The following CPNE2 variants were observed in gnomAD, a reference collection of about 807,000 sequenced individuals.
The protein encoded by CPNE2 is copine-2.
A neutral mutation model predicts 69.7 loss-of-function variants in CPNE2; 42 were observed. That is an observed-to-expected ratio of 0.60 (90% CI 0.47 to 0.78). CPNE2 has a LOEUF of 0.78. Among genes scored for constraint, CPNE2 ranks in the 30% least tolerant of loss-of-function variants. The pLI, the probability that CPNE2 is intolerant of heterozygous loss-of-function variation, is 0.00. For missense variants in CPNE2, 587 were observed against 732.0 expected (o/e 0.80, Z 2.29); for synonymous variants, 294 against 289.8 (o/e 1.01, Z -0.15).
intron 1 of CPNE2, among the ~76,000 whole-genome samples, chr16:57,100,500 T>C (rs1486209210): frequency 6.6e-6 from 1 of 152,214 alleles, no homozygotes; most frequent in African/African-American, 2.4e-5. Flanking sequence ...TTCCATGTGT[T>C]GGATGAGAAA....
chr16:57,123,690 C>T, intron 10 of CPNE2: 2 of 573,680 alleles, frequency 3.5e-6, no homozygotes, highest in South Asian at 2.2e-5. Flanking sequence ...GGTCAGAGCA[C>T]AGCTGCACAG....
intron 8 of CPNE2, 66 bp from the exon 9 acceptor site, chr16:57,121,608 C>T: frequency 2.0e-6 from 3 of 1,490,914 alleles, no homozygotes; most frequent in South Asian, 2.3e-5. Context: ...GATTCTAGGG[C>T]CAAGGAGGAG....
chr16:57,114,426 C>T (rs1377794151), intron 3 of CPNE2, among the ~76,000 whole-genome samples: 1 of 151,172 alleles, frequency 6.6e-6, no homozygotes, highest in African/African-American at 2.4e-5. Context: ...AATGGAGAAG[C>T]TCCCATCAAA....
At chr16:57,099,261 C>T (rs35502368) in intron 1 of CPNE2, among the ~76,000 whole-genome samples, 2,891 of 152,272 alleles carry the variant, frequency 0.019, 90 homozygotes, top group East Asian at 0.16. Flanking sequence ...GAGACCCATC[C>T]GTGTTATTGC....
chr16:57,099,126 G>A (rs1321301732), intron 1 of CPNE2, among the ~76,000 whole-genome samples: 2 of 152,252 alleles, frequency 1.3e-5, no homozygotes, highest in South Asian at 2.1e-4. Flanking sequence ...ACCCGTCCAC[G>A]TGTCCTACTG....
At chr16:57,147,268 C>A (rs2069965382) in intron 15 of CPNE2, 2 of 327,778 alleles carry the variant, frequency 6.1e-6, no homozygotes, top group Non-Finnish European at 1.1e-5. Flanking sequence ...ATAGGTGCTT[C>A]CCGCAGACGG....
intron 1 of CPNE2, among the ~76,000 whole-genome samples, chr16:57,100,063 A>G (rs2069604017): frequency 6.6e-6 from 1 of 152,000 alleles, no homozygotes; most frequent in East Asian, 1.9e-4. Flanking sequence ...GTGAGCCACC[A>G]TGCCCTGCCT....
intron 12 of CPNE2, among the ~76,000 whole-genome samples, chr16:57,129,471 G>A (rs35364178): frequency 0.038 from 5,798 of 152,268 alleles, 193 homozygotes; most frequent in African/African-American, 0.09. Context: ...GATGAGGAAC[G>A]GGGTGGGTGC....
chr16:57,143,380 C>T (rs1054034912), intron 14 of CPNE2: 1 of 152,380 alleles, frequency 6.6e-6, no homozygotes, highest in Non-Finnish European at 1.5e-5. Context: ...GGGCCCCACC[C>T]TGGGCTGCTA....
chr16:57,117,164 A>G (rs370892152), intron 4 of CPNE2, among the ~76,000 whole-genome samples: 196 of 152,162 alleles, frequency 1.3e-3, no homozygotes, highest in African/African-American at 4.6e-3. Context: ...AAGGCCGGTC[A>G]TGCTGCTCTC....
At position 57,125,358 on chromosome 16, in the gene CPNE2, C is replaced by T. The variant is rs1244893552; in HGVS notation, c.928-502C>T. The T allele has an allele frequency of 2.4e-5, 11 of 456,094 alleles. No individual in the cohort carries two copies. In the East Asian group the frequency reaches 7.6e-4, roughly 32 times the overall value. 28.3% of individuals were successfully genotyped at this position (456,094 alleles called of 1,614,324 possible). ...AGACGGGCACTGCTCTACCAGGCAA[C>T]CCCAGGTCCCAGGCCCCTTGGTGGT... is the stretch of plus-strand genomic sequence containing the variant. On this transcript the variant is annotated intron_variant, in intron 10 of 15. Coordinates refer to ENST00000290776, the MANE Select transcript of CPNE2 (RefSeq NM_152727.6).
At chr16:57,137,927 A>G (rs1458326447) in intron 14 of CPNE2, among the ~76,000 whole-genome samples, 1 of 152,044 alleles carries the variant, frequency 6.6e-6, no homozygotes, top group African/African-American at 2.4e-5. Flanking sequence ...TTCCACCATG[A>G]CCTGCCCTTG....
intron 8 of CPNE2, 123 bp downstream of exon 8, chr16:57,121,314 G>A (rs2069760404): frequency 1.3e-6 from 1 of 751,230 alleles, no homozygotes; most frequent in Non-Finnish European, 2.2e-6. Flanking sequence ...CTTGAGCAAG[G>A]CATTCAATCT....
At chr16:57,117,644 G>C in intron 5 of CPNE2, 77 bp downstream of exon 5, 1 of 1,512,510 alleles carries the variant, frequency 6.6e-7, no homozygotes, top group Non-Finnish European at 9.1e-7. Context: ...CCTCATTCCG[G>C]GACCTCGGGC....
intron 13 of CPNE2, among the ~76,000 whole-genome samples, chr16:57,135,143 A>G (rs747156817): frequency 4.6e-5 from 7 of 152,186 alleles, no homozygotes; most frequent in Non-Finnish European, 8.8e-5. Context: ...TGAGAATTAC[A>G]GGAAGCCACT....
At chr16:57,094,622 G>A (rs76298617) in intron 1 of CPNE2, among the ~76,000 whole-genome samples, 4 of 152,298 alleles carry the variant, frequency 2.6e-5, no homozygotes, top group Middle Eastern at 3.4e-3. Flanking sequence ...GCAAGGACTC[G>A]GGTGCCAGCA....
At chr16:57,140,034 C>T (rs1164694214) in intron 14 of CPNE2, among the ~76,000 whole-genome samples, 2 of 152,060 alleles carry the variant, frequency 1.3e-5, no homozygotes, top group East Asian at 1.9e-4. Context: ...GAACAGGAAG[C>T]GCAGGGCGTG....
Position 57,118,733 on chromosome 16 carries a change from C to T in CPNE2, c.508-462C>T, listed in dbSNP as rs561856293. ...AGAGTGAGTCACATACAAAAAGTGGCACTTTTTAAACCTTAAATGATTTTT... is the reference window on the plus strand; with the variant it reads ...AGAGTGAGTCACATACAAAAAGTGGTACTTTTTAAACCTTAAATGATTTTT... On this transcript the variant is annotated intron_variant, in intron 5 of 15. Transcript: ENST00000290776. Among the ~76,000 whole-genome samples, 5 of 152,184 alleles carry T rather than the reference C, an allele frequency of 3.3e-5. No homozygotes were observed. The South Asian group carries it at 1.0e-3, about 32-fold the overall frequency.
At position 57,110,853 on chromosome 16, in the gene CPNE2, C is replaced by T. The variant is rs2069677086; in HGVS notation, c.111C>T (p.Asp37=). The T allele has an allele frequency of 6.2e-7, 1 of 1,613,818 alleles. No individual in the cohort carries two copies. Among genetic ancestry groups the T allele is most frequent in the Non-Finnish European group, 8.5e-7 (1 of 1,179,900 alleles). ...ELSVSGQNLL[D]RDVTSKSDPF... Reference sequence around the variant, plus strand: ...CAGTGAGTGGCCAGAACCTACTGGACCGGGATGTTACCTCCAAGTCCGACC... The same window carrying T: ...CAGTGAGTGGCCAGAACCTACTGGATCGGGATGTTACCTCCAAGTCCGACC... The change falls in exon 2 of 16, where the codon GAC becomes GAT. Residue 37 remains aspartate, a synonymous_variant. Coordinates refer to ENST00000290776, the MANE Select transcript of CPNE2 (RefSeq NM_152727.6).
Sources: allele counts gnomAD v4.1 joint callset (sites outside exome capture counted in the v4.1 genomes callset), GRCh38; gene constraint gnomAD v4.1.1; transcripts MANE v1.5; gene names NCBI Gene and HGNC (gene_info 2026-07-23, HGNC 2026-07-21).